The following EFNA5 variants were observed in gnomAD, a reference collection of about 807,000 sequenced individuals.
The protein encoded by EFNA5 is ephrin A5.
EFNA5 carries 5 observed loss-of-function variants against 22.9 expected under a neutral mutation model. The observed-to-expected ratio is 0.22, with a 90% CI of 0.11 to 0.46. EFNA5 has a LOEUF of 0.46. EFNA5 is among the 20% of genes least tolerant of loss of function. The pLI is 0.99. For missense variants in EFNA5, 237 were observed against 293.3 expected (o/e 0.81, Z 1.40); for synonymous variants, 113 against 112.2 (o/e 1.01, Z -0.04).
At chr5:107,472,896 G>C (rs546499936) in intron 1 of EFNA5, among the ~76,000 whole-genome samples, 2 of 152,218 alleles carry the variant, frequency 1.3e-5, no homozygotes, top group Non-Finnish European at 2.9e-5. Flanking sequence ...GGATGCAAAT[G>C]TCGAGCTGAT....
At chr5:107,543,484 A>G (rs1748087663) in intron 1 of EFNA5, among the ~76,000 whole-genome samples, 2 of 152,234 alleles carry the variant, frequency 1.3e-5, no homozygotes, top group South Asian at 4.1e-4. Flanking sequence ...CACAAAGAAC[A>G]TCTTGGCAAG....
intron 1 of EFNA5, among the ~76,000 whole-genome samples, chr5:107,650,039 T>C (rs1750698198): frequency 6.6e-6 from 1 of 152,100 alleles, no homozygotes; most frequent in Non-Finnish European, 1.5e-5. Context: ...ATCTCTGACC[T>C]CAAGAATCTT....
At position 107,587,204 on chromosome 5, in the gene EFNA5, C is replaced by T. The variant is rs72660775; in HGVS notation, c.125+83285G>A. ...ACATATAAAAATTCTCGATAACATG[C>T]TTAACGAATCATGCCATTTCTCTTC... On this transcript the variant is annotated intron_variant, in intron 1 of 4. Transcript: ENST00000333274. Among the ~76,000 whole-genome samples the T allele has an allele frequency of 3.9e-3, 593 of 152,262 alleles. 5 individuals carry two copies. The highest frequency in any genetic ancestry group is 0.035 in the East Asian group (179 of 5,180).
intron 1 of EFNA5, among the ~76,000 whole-genome samples, chr5:107,549,942 T>C (rs1748251562): frequency 6.6e-6 from 1 of 152,272 alleles, no homozygotes; most frequent in East Asian, 1.9e-4. Context: ...CCTATGGCTC[T>C]CTGGAAATGG....
rs573869150 is a variant in EFNA5 at position 107,597,416 on chromosome 5, T to C, written c.125+73073A>G. On this transcript the variant is annotated intron_variant, in intron 1 of 4. Coordinates refer to ENST00000333274, the MANE Select transcript of EFNA5 (RefSeq NM_001962.3). ...ATTCATCTTCCGCAAAATTATTTCC[T>C]TCCACTGGCACTGACCCATCACCAC... is the stretch of plus-strand genomic sequence containing the variant. 1.2e-4 allele frequency among the ~76,000 whole-genome samples: 18 copies of C among 152,306 alleles called. No homozygotes were observed. In the South Asian group the frequency reaches 1.7e-3, roughly 14 times the overall value.
In EFNA5 at chr5:107,626,414, T is replaced by C. The variant is rs776709511; in HGVS notation, c.125+44075A>G. 5.9e-5 allele frequency among the ~76,000 whole-genome samples: 9 copies of C among 152,200 alleles called. 1 individual carries two copies. The highest frequency in any genetic ancestry group is 6.8e-3 in the Middle Eastern group (2 of 294). ...CTCCCTTAGGTAGTAGCTAGGACTA[T>C]AGGTACACACCACCACACCTGGCTA... On this transcript the variant is annotated intron_variant, in intron 1 of 4. Coordinates refer to ENST00000333274, the MANE Select transcript of EFNA5 (RefSeq NM_001962.3).
At chr5:107,499,838 T>C (rs758593925) in intron 1 of EFNA5, among the ~76,000 whole-genome samples, 10 of 152,120 alleles carry the variant, frequency 6.6e-5, no homozygotes, top group Non-Finnish European at 1.5e-4. Context: ...AAATTACCAA[T>C]ATAAATGCAT....
chr5:107,400,763 T>G (rs1404771460), intron 2 of EFNA5, among the ~76,000 whole-genome samples: 1 of 151,648 alleles, frequency 6.6e-6, no homozygotes, highest in African/African-American at 2.4e-5. Flanking sequence ...TTCCAGAAAC[T>G]TGAGATCTTC....
chr5:107,517,982 C>T (rs1413120114), intron 1 of EFNA5, among the ~76,000 whole-genome samples: 4 of 152,058 alleles, frequency 2.6e-5, no homozygotes, highest in African/African-American at 9.7e-5. Context: ...GGGATCCAAA[C>T]TATATATGCA....
intron 1 of EFNA5, among the ~76,000 whole-genome samples, chr5:107,664,477 A>G (rs1036256057): frequency 2.6e-5 from 4 of 152,218 alleles, no homozygotes; most frequent in African/African-American, 9.6e-5. Flanking sequence ...AGCTCAGGAC[A>G]TAGGTTGAAA....
At chr5:107,542,531 T>C (rs1748069628) in intron 1 of EFNA5, among the ~76,000 whole-genome samples, 1 of 150,232 alleles carries the variant, frequency 6.7e-6, no homozygotes, top group African/African-American at 2.4e-5. Context: ...CTTTCCTTTT[T>C]CTGTCTGTGT....
intron 1 of EFNA5, among the ~76,000 whole-genome samples, chr5:107,458,583 C>T (rs152581): frequency 6.6e-6 from 1 of 151,590 alleles, no homozygotes; most frequent in Admixed American, 6.6e-5. Context: ...TTTTGGAAGT[C>T]GTGAGACAAT....
intron 1 of EFNA5, among the ~76,000 whole-genome samples, chr5:107,491,345 C>T (rs1240898392): frequency 6.6e-6 from 1 of 152,174 alleles, no homozygotes; most frequent in East Asian, 1.9e-4. Flanking sequence ...GAGTTCCGCT[C>T]TTGTTGCCCA....
chr5:107,666,375 G>T (rs2112564358), intron 1 of EFNA5, among the ~76,000 whole-genome samples: 1 of 152,184 alleles, frequency 6.6e-6, no homozygotes, highest in East Asian at 1.9e-4. Context: ...GACCTGTACT[G>T]CCAGAGGACT....
chr5:107,641,244 G>T (rs776601414), intron 1 of EFNA5, among the ~76,000 whole-genome samples: 1 of 151,846 alleles, frequency 6.6e-6, no homozygotes, highest in African/African-American at 2.4e-5. Flanking sequence ...TGTAGTCCCA[G>T]CTACTCGGGA....
At chr5:107,435,294 T>A (rs557891872) in intron 1 of EFNA5, among the ~76,000 whole-genome samples, 1 of 148,490 alleles carries the variant, frequency 6.7e-6, no homozygotes. Context: ...ATGGCTTTCC[T>A]ATTCTAAATC....
chr5:107,618,671 T>G (rs898610598), intron 1 of EFNA5, among the ~76,000 whole-genome samples: 1 of 152,186 alleles, frequency 6.6e-6, no homozygotes, highest in Non-Finnish European at 1.5e-5. Context: ...TGTCTGCTAT[T>G]TTGGAGAAAA....
intron 1 of EFNA5, among the ~76,000 whole-genome samples, chr5:107,625,908 CA>C (rs1750131756): frequency 6.6e-6 from 1 of 152,126 alleles, no homozygotes; most frequent in Non-Finnish European, 1.5e-5. Flanking sequence ...TCTTAAATTA[CA>C]ATATAGAAGA....
intron 1 of EFNA5, among the ~76,000 whole-genome samples, chr5:107,509,026 G>T (rs2112432120): frequency 6.6e-6 from 1 of 152,264 alleles, no homozygotes; most frequent in Non-Finnish European, 1.5e-5. Context: ...GCAAACTTCA[G>T]GTTTCAAAGT....
Sources: allele counts gnomAD v4.1 joint callset (sites outside exome capture counted in the v4.1 genomes callset), GRCh38; gene constraint gnomAD v4.1.1; transcripts MANE v1.5; gene names NCBI Gene and HGNC (gene_info 2026-07-23, HGNC 2026-07-21).